The following CCDC82 variants were observed in gnomAD, a reference collection of about 807,000 sequenced individuals.
CCDC82 encodes the protein coiled-coil domain-containing protein 82.
Under a neutral mutation model 60.6 loss-of-function variants are expected in CCDC82, and 47 were observed. The observed-to-expected ratio is 0.77, with a 90% CI of 0.61 to 0.99. The LOEUF (loss-of-function observed/expected upper bound fraction) is 0.99. Among genes scored for constraint, CCDC82 ranks in the 50% least tolerant of loss-of-function variants. The pLI is 0.00. For missense variants in CCDC82, 588 were observed against 633.0 expected (o/e 0.93, Z 0.76); for synonymous variants, 212 against 207.4 (o/e 1.02, Z -0.19).
chr11:96,374,248 C>G (rs544179827), intron 5 of CCDC82, among the ~76,000 whole-genome samples: 1 of 152,068 alleles, frequency 6.6e-6, no homozygotes, highest in Non-Finnish European at 1.5e-5. Flanking sequence ...CTGAGTATTT[C>G]GAGAAATATA....
chr11:96,380,599 G>A (rs1032022025), intron 5 of CCDC82: 2 of 151,722 alleles, frequency 1.3e-5, no homozygotes, highest in African/African-American at 4.8e-5. Flanking sequence ...TCTTTCAATA[G>A]GTGAATGGAT....
In CCDC82 at chr11:96,384,013, T is replaced by G. The variant is rs1866032102; in HGVS notation, c.735A>C (p.Glu245Asp). ...TCTGACGAGATCTTTGTTTTGAGAG[T>G]TCTTTGAGCTTCTGAAGTTTTTCTC... ...QKREKLQKLK[E>D]LSKQRSRQRR... The change falls in exon 4 of 10, where the codon GAA (glutamate) becomes GAC (aspartate). Residue 245 changes from glutamate (E) to aspartate (D), a missense_variant. Coordinates refer to ENST00000646818, the MANE Select transcript of CCDC82 (RefSeq NM_024725.4). 1 of 1,613,306 alleles carries G rather than the reference T, an allele frequency of 6.2e-7. No homozygotes were observed. The highest frequency in any genetic ancestry group is 1.1e-5 in the South Asian group (1 of 91,036).
At chr11:96,371,555 C>A (rs893303790) in intron 6 of CCDC82, among the ~76,000 whole-genome samples, 4 of 152,228 alleles carry the variant, frequency 2.6e-5, no homozygotes, top group African/African-American at 4.8e-5. Flanking sequence ...GTACTCCAGC[C>A]TGGGTGATAG....
chr11:96,354,042 A>G (rs1205947066), intron 9 of CCDC82: 1 of 197,468 alleles, frequency 5.1e-6, no homozygotes, highest in African/African-American at 2.4e-5. Context: ...TTGAACATAT[A>G]TATCAAAGGC....
rs780271962 is a variant in CCDC82 at position 96,353,462 on chromosome 11, G to C, written c.*184C>G. The C allele has an allele frequency of 2.8e-5, 15 of 541,602 alleles. No homozygotes were observed. Among genetic ancestry groups the C allele is most frequent in the Non-Finnish European group, 4.9e-5 (15 of 307,676 alleles). 33.5% of individuals were successfully genotyped at this position (541,602 alleles called of 1,614,324 possible). ...TAAGATAATGCTTTTATGTACATCAGATAAAAGTTTAATTAGAGTGTAGAG... is the reference window on the plus strand; with the variant it reads ...TAAGATAATGCTTTTATGTACATCACATAAAAGTTTAATTAGAGTGTAGAG... On this transcript the variant is annotated 3_prime_UTR_variant, in exon 10 of 10. Transcript: ENST00000646818.
At chr11:96,356,641 T>C (rs1381875070) in intron 9 of CCDC82, 3 of 953,302 alleles carry the variant, frequency 3.1e-6, no homozygotes, top group Non-Finnish European at 3.7e-6. Flanking sequence ...AAGACATGCA[T>C]TATTATGTTT....
chr11:96,356,475 C>G, intron 9 of CCDC82: 2 of 985,334 alleles, frequency 2.0e-6, no homozygotes, highest in Non-Finnish European at 2.4e-6. Flanking sequence ...TCTTTACTAC[C>G]TGGTGTTTAT....
chr11:96,380,360 G>A (rs966199533), intron 5 of CCDC82, among the ~76,000 whole-genome samples: 3 of 151,830 alleles, frequency 2.0e-5, no homozygotes, highest in East Asian at 1.9e-4. Context: ...TAATAGAGCC[G>A]AATGAGAAGC....
At position 96,383,404 on chromosome 11, in the gene CCDC82, A is replaced by T. The variant is rs1355329802; in HGVS notation, c.856T>A (p.Ser286Thr). ...DEEEEEDNYE[S>T]DEDGDDYIID... is the part of the protein sequence containing the mutation. ...ATATAATCATCTCCATCTTCATCAG[A>T]TTCATAATTATCCTCTTCTTCCTCC... The change falls in exon 5 of 10, where the codon TCT (serine) becomes ACT (threonine). Residue 286 changes from serine (S) to threonine (T), a missense_variant. Transcript: ENST00000646818. 1.2e-6 allele frequency: 2 copies of T among 1,602,052 alleles called. No homozygotes were observed. Among genetic ancestry groups the T allele is most frequent in the Non-Finnish European group, 1.7e-6 (2 of 1,172,714 alleles).
At chr11:96,357,417 A>C (rs1323251002) in intron 9 of CCDC82, 1 of 985,182 alleles carries the variant, frequency 1.0e-6, no homozygotes, top group Non-Finnish European at 1.2e-6. Context: ...ATAACATGAC[A>C]CTTGGCTTTC....
chr11:96,357,921 C>CT (rs1158627431), intron 9 of CCDC82: 1 of 985,130 alleles, frequency 1.0e-6, no homozygotes, highest in East Asian at 1.1e-4. Context: ...GAGAGAAAGA[C>CT]TTAAGGATCA....
At chr11:96,389,309 G>A (rs1363304030) in intron 1 of CCDC82, 1 of 152,162 alleles carries the variant, frequency 6.6e-6, no homozygotes, top group Non-Finnish European at 1.5e-5. Context: ...GGTAGACAGT[G>A]GAATAGATCC....
intron 7 of CCDC82, 122 bp downstream of exon 7, chr11:96,370,891 T>C: frequency 1.3e-6 from 1 of 792,746 alleles, no homozygotes; most frequent in South Asian, 3.4e-5. Flanking sequence ...TGAGAAATAA[T>C]AAGCTGATTA....
rs374294895 is a variant in CCDC82 at position 96,384,597 on chromosome 11, T to C, written c.151A>G (p.Ser51Gly). ...TCATCACTATCAAGCTCTTCATCACTATCAAATTCTTCACTATCAAGCTCT... is the reference window on the plus strand; with the variant it reads ...TCATCACTATCAAGCTCTTCATCACCATCAAATTCTTCACTATCAAGCTCT... ...DEELDSEEFD[S>G]DEELDSDESF... is the part of the protein sequence containing the mutation. The change falls in exon 4 of 10, where the codon AGT becomes GGT. Residue 51 changes from serine (S) to glycine (G), a missense_variant. Transcript: ENST00000646818. 1.2e-6 allele frequency: 2 copies of C among 1,613,548 alleles called. No individual in the cohort carries two copies. Among genetic ancestry groups the C allele is most frequent in the South Asian group, 1.1e-5 (1 of 91,060 alleles).
intron 7 of CCDC82, among the ~76,000 whole-genome samples, chr11:96,368,256 C>G (rs1342533454): frequency 6.6e-6 from 1 of 151,916 alleles, no homozygotes; most frequent in East Asian, 1.9e-4. Context: ...CTTGGGTGAC[C>G]CGGTGCACTG....
At chr11:96,383,889 C>G in intron 4 of CCDC82, 73 bp downstream of exon 4, 3 of 1,393,356 alleles carry the variant, frequency 2.2e-6, no homozygotes, top group Non-Finnish European at 2.9e-6. Flanking sequence ...GGACTCAGCA[C>G]TTTTTTATAA....
At chr11:96,372,454 A>G (rs1017947577) in intron 6 of CCDC82, among the ~76,000 whole-genome samples, 1 of 151,654 alleles carries the variant, frequency 6.6e-6, no homozygotes, top group Non-Finnish European at 1.5e-5. Flanking sequence ...GCCTTAAGTC[A>G]CTGTCACATC....
chr11:96,384,807 G>A, intron 3 of CCDC82, 46 bp from the exon 4 acceptor site: 1 of 1,214,180 alleles, frequency 8.2e-7, no homozygotes, highest in Non-Finnish European at 1.1e-6. Flanking sequence ...AACCAGATTA[G>A]AGCAATGAAT....
intron 9 of CCDC82, chr11:96,358,714 C>A: frequency 1.7e-6 from 2 of 1,150,188 alleles, no homozygotes; most frequent in South Asian, 5.5e-5. Context: ...GTAAGCAATA[C>A]ATACATAAAA....
Sources: gnomAD v4.1 joint callset for allele counts (sites outside exome capture counted in the v4.1 genomes callset) on GRCh38, gnomAD v4.1.1 for gene constraint, MANE v1.5 for transcripts, NCBI Gene and HGNC (gene_info 2026-07-23, HGNC 2026-07-21) for gene names.